The following CLASP1 variants were observed in gnomAD, a reference collection of about 807,000 sequenced individuals.
CLASP1 encodes cytoplasmic linker associated protein 1, also known as CLIP-associating protein 1.
CLASP1 carries 38 observed loss-of-function variants against 192.3 expected under a neutral mutation model. That is an observed-to-expected ratio of 0.20 (90% confidence interval 0.15 to 0.26). The LOEUF (loss-of-function observed/expected upper bound fraction) is 0.26, where lower values mean the gene tolerates loss of function less well. CLASP1 is among the 10% of genes least tolerant of loss of function. CLASP1 has a pLI of 1.00. For synonymous variants in CLASP1, 691 were observed against 712.8 expected (o/e 0.97, Z 0.49); for missense variants, 1,433 against 1,932.5 (o/e 0.74, Z 4.85).
intron 6 of CLASP1, among the ~76,000 whole-genome samples, chr2:121,521,875 G>C (rs1029729828): frequency 6.6e-6 from 1 of 152,138 alleles, no homozygotes; most frequent in Non-Finnish European, 1.5e-5. Flanking sequence ...TGGCAAATAA[G>C]GGAAAGTCAT....
intron 39 of CLASP1, among the ~76,000 whole-genome samples, chr2:121,346,071 C>T (rs1408513165): frequency 6.6e-6 from 1 of 152,250 alleles, no homozygotes; most frequent in East Asian, 1.9e-4. Flanking sequence ...TGTATCAAAG[C>T]AACAGCTCAA....
At chr2:121,633,563 T>C (rs2070212632) in intron 1 of CLASP1, among the ~76,000 whole-genome samples, 1 of 152,138 alleles carries the variant, frequency 6.6e-6, no homozygotes, top group Non-Finnish European at 1.5e-5. Context: ...TCAAACAGCC[T>C]TTTTCTCTCA....
At chr2:121,485,949 G>C (rs1409519195) in intron 8 of CLASP1, among the ~76,000 whole-genome samples, 1 of 152,174 alleles carries the variant, frequency 6.6e-6, no homozygotes. Flanking sequence ...CGAATTCCTA[G>C]AGGCCACAGA....
Position 121,448,419 on chromosome 2 carries a change from AT to A in CLASP1, c.1692-95del, listed in dbSNP as rs1574949775. The A allele has an allele frequency of 2.0e-5, 24 of 1,196,160 alleles. No homozygotes were observed. In the East Asian group the frequency reaches 5.7e-4, roughly 28 times the overall value. 74.1% of individuals were successfully genotyped at this position (1,196,160 alleles called of 1,614,324 possible). A position where few individuals can be genotyped will look rare whatever the true frequency, so the allele number is the denominator to read the frequency against. ...CAGGAAATTATTACAATGAAGAATT[AT>A]TTCAGAGTTTTCAGAATTTTTTGGG... On this transcript the variant is annotated intron_variant, in intron 17 of 39. Coordinates refer to ENST00000263710, the Ensembl canonical transcript of CLASP1.
Position 121,343,030 on chromosome 2 carries a change from G to A in CLASP1, c.4531-2083C>T, listed in dbSNP as rs960493350. Among the ~76,000 whole-genome samples, 3 of 152,150 alleles carry A rather than the reference G, an allele frequency of 2.0e-5. No homozygotes were observed. The South Asian group carries it at 6.2e-4, about 31-fold the overall frequency. ...CTGCCAAAGTGCTAGAATTACAGGC[G>A]TGAGCCACCCACTCCTGGACCAGTC... On this transcript the variant is annotated intron_variant, in intron 39 of 39. Transcript: ENST00000263710.
At chr2:121,646,262 ACCACTATCC>A (rs2073167046) in intron 1 of CLASP1, among the ~76,000 whole-genome samples, 1 of 152,066 alleles carries the variant, frequency 6.6e-6, no homozygotes, top group African/African-American at 2.4e-5. Context: ...ACAGGTGCAC[ACCACTATCC>A]CCAGCTAATT....
intron 6 of CLASP1, among the ~76,000 whole-genome samples, chr2:121,521,725 T>C (rs777040420): frequency 9.2e-5 from 14 of 152,204 alleles, no homozygotes; most frequent in Non-Finnish European, 1.6e-4. Flanking sequence ...CAGTCTTTGT[T>C]AGCCGCTGCC....
intron 6 of CLASP1, among the ~76,000 whole-genome samples, chr2:121,516,514 C>T (rs2094298107): frequency 1.3e-5 from 2 of 152,146 alleles, no homozygotes; most frequent in African/African-American, 4.8e-5. Context: ...GCCGGTCTGG[C>T]CAGACCAGAT....
intron 1 of CLASP1, among the ~76,000 whole-genome samples, chr2:121,610,624 G>C (rs1239422128): frequency 6.8e-6 from 1 of 147,026 alleles, no homozygotes; most frequent in Non-Finnish European, 1.5e-5. Flanking sequence ...AGAGGAACTG[G>C]AGGAGGAGGA....
chr2:121,545,056 C>A (rs1295691455), intron 2 of CLASP1, among the ~76,000 whole-genome samples: 1 of 152,066 alleles, frequency 6.6e-6, no homozygotes, highest in Non-Finnish European at 1.5e-5. Context: ...GGATTACAGG[C>A]GTGTGCCACC....
intron 1 of CLASP1, among the ~76,000 whole-genome samples, chr2:121,646,397 T>C (rs961225655): frequency 9.2e-5 from 14 of 152,340 alleles, no homozygotes; most frequent in Non-Finnish European, 2.1e-4. Flanking sequence ...TGTAAGCCAC[T>C]GCACCCAGCC....
chr2:121,459,437 T>G (rs1417505733), intron 12 of CLASP1, among the ~76,000 whole-genome samples: 2 of 152,194 alleles, frequency 1.3e-5, no homozygotes, highest in Non-Finnish European at 2.9e-5. Context: ...CATAAAATAT[T>G]CAGGCTTCAA....
At chr2:121,359,179 G>A (rs2065908693) in intron 37 of CLASP1, among the ~76,000 whole-genome samples, 1 of 152,194 alleles carries the variant, frequency 6.6e-6, no homozygotes, top group Non-Finnish European at 1.5e-5. Context: ...CCTGAGAAAT[G>A]GGCACTTTTG....
intron 8 of CLASP1, among the ~76,000 whole-genome samples, chr2:121,501,408 C>A (rs1244175347): frequency 2.0e-5 from 3 of 152,068 alleles, no homozygotes; most frequent in African/African-American, 4.8e-5. Flanking sequence ...CCCAGCTCTA[C>A]CAATGATATG....
chr2:121,482,796 T>C (rs2092692272), intron 8 of CLASP1, among the ~76,000 whole-genome samples: 1 of 152,108 alleles, frequency 6.6e-6, no homozygotes, highest in Non-Finnish European at 1.5e-5. Context: ...TTCCTCAACA[T>C]CCACAAGAGC....
intron 7 of CLASP1, among the ~76,000 whole-genome samples, chr2:121,511,106 AAC>A (rs1457396676): frequency 6.6e-6 from 1 of 152,210 alleles, no homozygotes; most frequent in Non-Finnish European, 1.5e-5. Flanking sequence ...ATGAAACTAA[AAC>A]AGTTATTAAC....
At chr2:121,493,745 G>GAA (rs34359995) in intron 8 of CLASP1, among the ~76,000 whole-genome samples, 8 of 148,180 alleles carry the variant, frequency 5.4e-5, no homozygotes, top group South Asian at 2.1e-4. Flanking sequence ...CAACTCAATA[G>GAA]AAAAAAAAAA....
chr2:121,476,473 T>C (rs990131530), intron 8 of CLASP1, among the ~76,000 whole-genome samples: 1 of 152,234 alleles, frequency 6.6e-6, no homozygotes, highest in Non-Finnish European at 1.5e-5. Context: ...CTGGAACTTG[T>C]AATTAGAAGC....
In CLASP1 at chr2:121,408,446, A is replaced by G. The variant is rs1410247719; in HGVS notation, c.2425-731T>C. Among the ~76,000 whole-genome samples the G allele has an allele frequency of 3.3e-5, 5 of 152,358 alleles. No homozygotes were observed. The East Asian group carries it at 7.7e-4, about 23-fold the overall frequency. ...ATTCACTTCTCTGACCCTGAATACA[A>G]AACTGTTATACCCACAAATATGATA... On this transcript the variant is annotated intron_variant, in intron 24 of 39. Coordinates refer to ENST00000263710, the Ensembl canonical transcript of CLASP1.
Sources: gnomAD v4.1 joint callset for allele counts (sites outside exome capture counted in the v4.1 genomes callset) on GRCh38, gnomAD v4.1.1 for gene constraint, MANE v1.5 for transcripts, NCBI Gene and HGNC (gene_info 2026-07-23, HGNC 2026-07-21) for gene names.